Variants in ZNF609 observed in about 807,000 individuals in gnomAD.
ZNF609 encodes the protein zinc finger protein 609.
Under a neutral mutation model 109.5 loss-of-function variants are expected in ZNF609, and 11 were observed. The ratio of observed to expected loss-of-function variants is 0.10; its 90% CI spans 0.06 to 0.17. The LOEUF is 0.17. ZNF609 is among the 10% of genes least tolerant of loss of function. The pLI is 1.00. For synonymous variants in ZNF609, 646 were observed against 662.0 expected (o/e 0.98, Z 0.37); for missense variants, 1,559 against 1,772.4 (o/e 0.88, Z 2.16).
chr15:64,610,840 G>T (rs72742954), intron 2 of ZNF609, among the ~76,000 whole-genome samples: 18,866 of 152,068 alleles, frequency 0.12, 1,863 homozygotes, highest in African/African-American at 0.27. Context: ...ATTAGTTCTT[G>T]AGTACAGTTT....
intron 2 of ZNF609, among the ~76,000 whole-genome samples, chr15:64,524,198 A>C (rs1893936392): frequency 6.6e-6 from 1 of 152,152 alleles, no homozygotes. Context: ...AGTCACCCTA[A>C]TTCTTCATTT....
chr15:64,599,242 C>T (rs1342774690), intron 2 of ZNF609, among the ~76,000 whole-genome samples: 1 of 97,442 alleles, frequency 1.0e-5, no homozygotes, highest in Non-Finnish European at 1.9e-5. Flanking sequence ...ATTTTAAAAA[C>T]ACCTAATTGC....
intron 1 of ZNF609, among the ~76,000 whole-genome samples, chr15:64,483,448 A>C (rs898627599): frequency 6.6e-6 from 1 of 152,002 alleles, no homozygotes; most frequent in African/African-American, 2.4e-5. Context: ...GTGCAGTGGC[A>C]GAATCATGGC....
chr15:64,610,024 T>A (rs1337954544), intron 2 of ZNF609, among the ~76,000 whole-genome samples: 1 of 150,192 alleles, frequency 6.7e-6, no homozygotes, highest in Non-Finnish European at 1.5e-5. Context: ...AAAATAATAA[T>A]AATAATAAGG....
At chr15:64,555,155 A>G (rs1894558180) in intron 2 of ZNF609, among the ~76,000 whole-genome samples, 1 of 151,814 alleles carries the variant, frequency 6.6e-6, no homozygotes, top group Non-Finnish European at 1.5e-5. Flanking sequence ...GTTTGAGCCC[A>G]GGAGTTCAAG....
chr15:64,636,951 G>A (rs190630204), intron 3 of ZNF609, among the ~76,000 whole-genome samples: 99 of 152,200 alleles, frequency 6.5e-4, no homozygotes, highest in African/African-American at 2.2e-3. Flanking sequence ...CAAATTCTAC[G>A]TGTGCAAGTC....
In ZNF609 at chr15:64,674,507, A is replaced by G. The variant is rs765653246; in HGVS notation, c.1653A>G (p.Ala551=). 3 of 1,614,138 alleles carry G rather than the reference A, an allele frequency of 1.9e-6. No individual in the cohort carries two copies. The highest frequency in any genetic ancestry group is 1.1e-5 in the South Asian group (1 of 91,078). ...LHADLGSCNG[A]SVSQKGSLSP... ...CAGATCTTGGGAGCTGCAACGGTGC[A>G]TCTGTCTCACAAAAAGGTTCCTTGT... Residue 551 remains alanine, a synonymous_variant, in exon 5 of 10, where the codon GCA becomes GCG. Coordinates refer to ENST00000326648, the MANE Select transcript of ZNF609 (RefSeq NM_015042.2).
At chr15:64,509,989 C>T (rs1893697071) in intron 2 of ZNF609, among the ~76,000 whole-genome samples, 1 of 152,030 alleles carries the variant, frequency 6.6e-6, no homozygotes, top group Non-Finnish European at 1.5e-5. Context: ...CCTCAGACAA[C>T]CAAGATGTGA....
intron 2 of ZNF609, among the ~76,000 whole-genome samples, chr15:64,570,803 A>G (rs1163859675): frequency 6.6e-6 from 1 of 152,144 alleles, no homozygotes; most frequent in African/African-American, 2.4e-5. Flanking sequence ...AGGCAGGTGG[A>G]TCACCTGAGG....
At chr15:64,615,702 G>A (rs1895788267) in intron 2 of ZNF609, among the ~76,000 whole-genome samples, 1 of 152,004 alleles carries the variant, frequency 6.6e-6, no homozygotes, top group African/African-American at 2.4e-5. Flanking sequence ...GGTCAGGCTG[G>A]TCTTGAACTC....
Position 64,471,159 on chromosome 15 carries a change from G to C in ZNF609, c.-128+10321G>C, listed in dbSNP as rs1596374940. 3 of 152,222 alleles carry C rather than the reference G, an allele frequency of 2.0e-5. No individual in the cohort carries two copies. In the East Asian group the frequency reaches 5.8e-4, roughly 29 times the overall value. 9.4% of individuals were successfully genotyped at this position (152,222 alleles called of 1,614,324 possible). On this transcript the variant is annotated intron_variant, in intron 1 of 9. Transcript: ENST00000326648. ...GGCGGATCAGTTGAGGCCAGGAAGAGACCAGCCTGGTGAACATGGTGAAAG... is the reference window on the plus strand; with the variant it reads ...GGCGGATCAGTTGAGGCCAGGAAGACACCAGCCTGGTGAACATGGTGAAAG...
At chr15:64,598,742 GTATATATA>G (rs1169879124) in intron 2 of ZNF609, among the ~76,000 whole-genome samples, 4,907 of 60,100 alleles carry the variant, frequency 0.082, 169 homozygotes, top group African/African-American at 0.097. Context: ...CTTTGTGTGT[GTATATATA>G]TATATATATA....
At chr15:64,671,349 C>T (rs1356943327) in intron 4 of ZNF609, 6 of 151,532 alleles carry the variant, frequency 4.0e-5, no homozygotes, top group Admixed American at 3.9e-4. Context: ...CATGCAGATT[C>T]GTTAAGTGTT....
At chr15:64,568,164 C>G (rs368902591) in intron 2 of ZNF609, among the ~76,000 whole-genome samples, 2 of 152,148 alleles carry the variant, frequency 1.3e-5, no homozygotes, top group South Asian at 4.1e-4. Context: ...AATACTTTAT[C>G]ATGACTCTCC....
intron 1 of ZNF609, among the ~76,000 whole-genome samples, chr15:64,492,808 A>C (rs1265972265): frequency 6.6e-6 from 1 of 152,230 alleles, no homozygotes; most frequent in Non-Finnish European, 1.5e-5. Context: ...TGGAAATTTG[A>C]GTCCAGAAAT....
At chr15:64,477,136 CTTTTTTTTTTTTT>C in intron 1 of ZNF609, among the ~76,000 whole-genome samples, 2 of 105,770 alleles carry the variant, frequency 1.9e-5, no homozygotes, top group South Asian at 6.1e-4. Flanking sequence ...TCTTCTCTTT[CTTTTTTTTTTTTT>C]TTTTTTTTTG....
intron 2 of ZNF609, among the ~76,000 whole-genome samples, chr15:64,538,886 G>A (rs367914515): frequency 1.3e-5 from 2 of 152,100 alleles, no homozygotes; most frequent in Non-Finnish European, 2.9e-5. Context: ...CCAGGCTAGA[G>A]TGCAGTGGTG....
At chr15:64,681,246 G>A in intron 8 of ZNF609, 63 bp from the exon 9 acceptor site, 1 of 1,509,578 alleles carries the variant, frequency 6.6e-7, no homozygotes, top group East Asian at 2.3e-5. Flanking sequence ...CCAAAACTCA[G>A]GGAAAAAGAT....
intron 3 of ZNF609, among the ~76,000 whole-genome samples, chr15:64,670,124 C>G (rs1339134227): frequency 1.3e-5 from 2 of 152,114 alleles, no homozygotes; most frequent in African/African-American, 4.8e-5. Flanking sequence ...TGTGTCTTGA[C>G]AAAACCATGA....
Sources: allele counts gnomAD v4.1 joint callset (sites outside exome capture counted in the v4.1 genomes callset), GRCh38; gene constraint gnomAD v4.1.1; transcripts MANE v1.5; gene names NCBI Gene and HGNC (gene_info 2026-07-23, HGNC 2026-07-21).